Variants in PKP4 observed in about 807,000 individuals in gnomAD.
PKP4 encodes the protein plakophilin-4.
In PKP4, 90 loss-of-function variants were observed where a neutral mutation model predicts 145.1. The ratio of observed to expected loss-of-function variants is 0.62; its 90% CI spans 0.52 to 0.74. PKP4 has a LOEUF of 0.74. PKP4 is among the 30% of genes least tolerant of loss of function. The pLI is 0.00. For synonymous variants in PKP4, 563 were observed against 577.2 expected, an observed-to-expected ratio of 0.98 and a Z score of 0.35; for missense variants, 1,340 against 1,482.7, an observed-to-expected ratio of 0.90 and a Z score of 1.58.
intron 2 of PKP4, among the ~76,000 whole-genome samples, chr2:158,534,099 T>G (rs2043825039): frequency 6.6e-6 from 1 of 152,150 alleles, no homozygotes; most frequent in Non-Finnish European, 1.5e-5. Context: ...TAAGATTAAG[T>G]TTTTTTAAAA....
intron 2 of PKP4, among the ~76,000 whole-genome samples, chr2:158,562,812 C>G (rs72936965): frequency 0.2 from 30,304 of 152,100 alleles, 3,884 homozygotes; most frequent in Middle Eastern, 0.35. Flanking sequence ...TCAGCCCTAA[C>G]ATGATTCAAA....
At chr2:158,542,696 G>C (rs1232771250) in intron 2 of PKP4, among the ~76,000 whole-genome samples, 1 of 152,074 alleles carries the variant, frequency 6.6e-6, no homozygotes, top group East Asian at 1.9e-4. Flanking sequence ...CTGCCATTGT[G>C]CGAAAAAAGA....
At chr2:158,643,729 G>GAA (rs371078811) in intron 11 of PKP4, among the ~76,000 whole-genome samples, 1 of 136,098 alleles carries the variant, frequency 7.3e-6, no homozygotes, top group Non-Finnish European at 1.6e-5. Context: ...AAAAAAAAAA[G>GAA]AAAAGAAAAC....
At chr2:158,591,828 G>A (rs1319015265) in intron 3 of PKP4, among the ~76,000 whole-genome samples, 1 of 151,944 alleles carries the variant, frequency 6.6e-6, no homozygotes, top group Non-Finnish European at 1.5e-5. Context: ...TTCACTCATG[G>A]CAATGAATGG....
At chr2:158,494,930 A>G (rs902324528) in intron 1 of PKP4, among the ~76,000 whole-genome samples, 3 of 152,022 alleles carry the variant, frequency 2.0e-5, no homozygotes, top group African/African-American at 7.2e-5. Context: ...TATTAAATCA[A>G]TGAGGTGGCC....
At chr2:158,661,643 C>A in intron 13 of PKP4, 193 bp downstream of exon 13, 1 of 478,644 alleles carries the variant, frequency 2.1e-6, no homozygotes, top group Admixed American at 3.3e-5. Context: ...ATCCTGAGAA[C>A]CGTGAGAACA....
intron 1 of PKP4, among the ~76,000 whole-genome samples, chr2:158,532,675 T>C (rs573873255): frequency 6.6e-6 from 1 of 152,292 alleles, no homozygotes; most frequent in South Asian, 2.1e-4. Context: ...AAAATAGATT[T>C]TCTTTTCAAC....
At chr2:158,565,181 C>T (rs1379692988) in intron 2 of PKP4, among the ~76,000 whole-genome samples, 1 of 152,040 alleles carries the variant, frequency 6.6e-6, no homozygotes, top group Non-Finnish European at 1.5e-5. Flanking sequence ...AGTGCCCAAC[C>T]CACAGATGGC....
chr2:158,663,504 T>TTA (rs749504857), intron 15 of PKP4, 59 bp downstream of exon 15: 186 of 1,405,610 alleles, frequency 1.3e-4, no homozygotes, highest in Admixed American at 4.5e-4. Context: ...ACTTGAAATG[T>TTA]TATATATATA....
chr2:158,670,395 A>T (rs1383653504), intron 17 of PKP4, among the ~76,000 whole-genome samples: 1 of 152,148 alleles, frequency 6.6e-6, no homozygotes, highest in Non-Finnish European at 1.5e-5. Flanking sequence ...TGCTAATGCC[A>T]TTCATGAGGG....
chr2:158,533,848 T>C (rs959380542), intron 2 of PKP4, among the ~76,000 whole-genome samples: 1 of 152,078 alleles, frequency 6.6e-6, no homozygotes, highest in Non-Finnish European at 1.5e-5. Context: ...TTTATGTTGA[T>C]TTTTTTAAGG....
intron 1 of PKP4, among the ~76,000 whole-genome samples, chr2:158,490,992 T>C (rs564565635): frequency 1.3e-5 from 2 of 152,354 alleles, no homozygotes; most frequent in African/African-American, 4.8e-5. Context: ...TTGTATAATA[T>C]GTATGTTGCA....
chr2:158,530,377 C>T (rs2043405964), intron 1 of PKP4, among the ~76,000 whole-genome samples: 1 of 152,106 alleles, frequency 6.6e-6, no homozygotes, highest in South Asian at 2.1e-4. Context: ...AATGGTTCAG[C>T]AACCTATCTG....
At chr2:158,533,096 A>C in intron 1 of PKP4, 84 bp from the exon 2 acceptor site, 1 of 1,365,976 alleles carries the variant, frequency 7.3e-7, no homozygotes, top group Non-Finnish European at 9.8e-7. Flanking sequence ...AGTCTACTGT[A>C]GTTGCTAGGA....
intron 2 of PKP4, among the ~76,000 whole-genome samples, chr2:158,544,091 C>T (rs573477903): frequency 6.8e-4 from 103 of 152,270 alleles, no homozygotes; most frequent in Admixed American, 1.1e-3. Context: ...ACCCCTAGTC[C>T]ACCACCACTC....
chr2:158,612,783 T>C (rs1167850420), intron 4 of PKP4, among the ~76,000 whole-genome samples: 1 of 152,180 alleles, frequency 6.6e-6, no homozygotes. Context: ...TAACTATTCA[T>C]TAAATCATAA....
At chr2:158,587,383 G>T (rs1434346691) in intron 3 of PKP4, among the ~76,000 whole-genome samples, 1 of 151,902 alleles carries the variant, frequency 6.6e-6, no homozygotes, top group Non-Finnish European at 1.5e-5. Context: ...TTATTTAACA[G>T]TATTGAATTA....
chr2:158,617,912 A>G (rs891426279), intron 4 of PKP4, among the ~76,000 whole-genome samples: 3 of 152,220 alleles, frequency 2.0e-5, no homozygotes, highest in Admixed American at 6.5e-5. Flanking sequence ...GCCGAGCACA[A>G]TGGCTCACGC....
chr2:158,669,379 A>G (rs565022373), intron 16 of PKP4: 24 of 167,246 alleles, frequency 1.4e-4, no homozygotes, highest in Non-Finnish European at 2.8e-4. Context: ...AAAATTTACT[A>G]TTATAATTCC....
Sources: gnomAD v4.1 joint callset for allele counts (sites outside exome capture counted in the v4.1 genomes callset) on GRCh38, gnomAD v4.1.1 for gene constraint, MANE v1.5 for transcripts, NCBI Gene and HGNC (gene_info 2026-07-23, HGNC 2026-07-21) for gene names.